Variants in PRPF6 observed in about 807,000 individuals in gnomAD.
PRPF6 encodes pre-mRNA-processing factor 6.
In PRPF6, 42 loss-of-function variants were observed where a neutral mutation model predicts 118.3. The observed-to-expected ratio is 0.35, with a 90% CI of 0.28 to 0.46. The LOEUF is 0.46. PRPF6 is among the 20% of genes least tolerant of loss of function. The probability of loss-of-function intolerance (pLI) is 1.00; values close to 1 mark genes in which losing one functional copy is unlikely to be tolerated. For missense variants in PRPF6, 662 were observed against 1,255.7 expected (o/e 0.53, Z 7.15); for synonymous variants, 481 against 485.1 (o/e 0.99, Z 0.11).
intron 10 of PRPF6, among the ~76,000 whole-genome samples, chr20:64,010,853 A>G: frequency 6.6e-6 from 1 of 152,126 alleles, no homozygotes; most frequent in South Asian, 2.1e-4. Flanking sequence ...ATCTTATTTT[A>G]TTTACATAAA....
chr20:63,983,340 C>T, intron 2 of PRPF6, 125 bp downstream of exon 2: 1 of 1,205,390 alleles, frequency 8.3e-7, no homozygotes, highest in Non-Finnish European at 1.2e-6. Context: ...TTTAGCTATT[C>T]ATGGAACATC....
At position 64,033,086 on chromosome 20, in the gene PRPF6, T is replaced by C; in HGVS notation, c.*93T>C. Reference sequence around the variant, plus strand: ...TGTCCTCCTTCATTAAAAGTTTTTATGTCTCGTGTCAGAACAGGCAGCCTG... The same window carrying C: ...TGTCCTCCTTCATTAAAAGTTTTTACGTCTCGTGTCAGAACAGGCAGCCTG... On this transcript the variant is annotated 3_prime_UTR_variant, in exon 21 of 21. Transcript: ENST00000266079. The C allele has an allele frequency of 1.3e-6, 2 of 1,565,620 alleles. No homozygotes were observed. The highest frequency in any genetic ancestry group is 2.3e-5 in the East Asian group (1 of 44,232).
intron 6 of PRPF6, among the ~76,000 whole-genome samples, chr20:63,998,386 C>G (rs1018765609): frequency 6.6e-6 from 1 of 151,638 alleles, no homozygotes; most frequent in Non-Finnish European, 1.5e-5. Context: ...AGCCACCACG[C>G]CTGGTCAAAA....
chr20:64,022,225 C>T (rs562784531), intron 12 of PRPF6, among the ~76,000 whole-genome samples: 2 of 152,360 alleles, frequency 1.3e-5, no homozygotes, highest in South Asian at 2.1e-4. Context: ...AGCTGTTTTT[C>T]AAAGTGCTTG....
At chr20:63,985,195 C>T (rs575113714) in intron 3 of PRPF6, among the ~76,000 whole-genome samples, 170 bp downstream of exon 3, 1 of 152,122 alleles carries the variant, frequency 6.6e-6, no homozygotes, top group South Asian at 2.1e-4. Context: ...GAGACTTAAT[C>T]TCTACAAATA....
intron 9 of PRPF6, among the ~76,000 whole-genome samples, chr20:64,008,483 G>C (rs1474541838): frequency 2.0e-5 from 3 of 152,068 alleles, no homozygotes; most frequent in Admixed American, 6.6e-5. Flanking sequence ...AGGAGCTGCA[G>C]AGGCTGTCAC....
At chr20:64,022,919 C>A (rs185793669) in intron 13 of PRPF6, 41 bp downstream of exon 13, 2 of 1,613,474 alleles carry the variant, frequency 1.2e-6, no homozygotes, top group Non-Finnish European at 1.7e-6. Context: ...GCTAATGAAA[C>A]CTCCAGCTCC....
intron 19 of PRPF6, among the ~76,000 whole-genome samples, chr20:64,030,494 G>T (rs1340940243): frequency 6.6e-6 from 1 of 152,130 alleles, no homozygotes; most frequent in Non-Finnish European, 1.5e-5. Flanking sequence ...GCCCCCACAG[G>T]CTTGCCTGTA....
chr20:64,015,491 G>A (rs1470994525), intron 11 of PRPF6, among the ~76,000 whole-genome samples: 2 of 152,352 alleles, frequency 1.3e-5, no homozygotes, highest in South Asian at 2.1e-4. Flanking sequence ...CTTTGCTCAC[G>A]GTCCATGTCG....
intron 3 of PRPF6, among the ~76,000 whole-genome samples, chr20:63,989,764 C>T (rs774740167): frequency 7.9e-5 from 12 of 152,032 alleles, no homozygotes; most frequent in African/African-American, 1.2e-4. Context: ...CCATCCACCT[C>T]GGCCTCCCAA....
In PRPF6 at chr20:64,028,265, G is replaced by C. The variant is rs2059300532; in HGVS notation, c.2340-213G>C. Among the ~76,000 whole-genome samples, 1 of 152,240 alleles carries C rather than the reference G, an allele frequency of 6.6e-6. No homozygotes were observed. Among genetic ancestry groups the C allele is most frequent in the African/African-American group, 2.4e-5 (1 of 41,472 alleles). ...CTGCATCTGGACAGCGTCAGGATCT[G>C]AGGTCTTGCCTTGGGGCGGTTGCCA... is the stretch of plus-strand genomic sequence containing the variant. On this transcript the variant is annotated intron_variant, in intron 17 of 20. Transcript: ENST00000266079. This position sits in a 1 kb window ranked among gnomAD's most constrained non-coding sequence, Gnocchi z 6.5.
intron 9 of PRPF6, among the ~76,000 whole-genome samples, chr20:64,006,497 A>G (rs2059190307): frequency 6.6e-6 from 1 of 151,662 alleles, no homozygotes; most frequent in Non-Finnish European, 1.5e-5. Context: ...TTGTATTTTT[A>G]ATAGAGATGG....
Position 64,028,511 on chromosome 20 carries a change from G to A in PRPF6, c.2373G>A (p.Gly791=). ...CCGTGCGGCTGGAGTACCGTGCGGG[G>A]CTGAAGAACATCGCAAATACACTCA... ...LESVRLEYRA[G]LKNIANTLMA... is the part of the protein sequence containing the mutation. Residue 791 remains glycine (G), a synonymous_variant, in exon 18 of 21, where the codon GGG becomes GGA. Transcript: ENST00000266079. This position sits in a 1 kb window ranked among gnomAD's most constrained non-coding sequence, Gnocchi z 6.5. The A allele has an allele frequency of 6.2e-7, 1 of 1,613,908 alleles. No homozygotes were observed. The highest frequency in any genetic ancestry group is 8.5e-7 in the Non-Finnish European group (1 of 1,180,024).
rs147429743 is a variant in PRPF6, at chr20:64,025,612, CCCATTCAGGGGCTTTGA to C, written c.1909-326_1909-310del. ...GTCTACCAGTATAGGATGCGAGTGC[CCCATTCAGGGGCTTTGA>C]GAGGGCGTGGGTGGATCCTGGGTAA... On this transcript the variant is annotated intron_variant, in intron 14 of 20. Coordinates refer to ENST00000266079, the MANE Select transcript of PRPF6 (RefSeq NM_012469.4). Among the ~76,000 whole-genome samples the C allele has an allele frequency of 4.5e-3, 682 of 152,292 alleles. 6 individuals carry two copies. The highest frequency in any genetic ancestry group is 0.016 in the African/African-American group (655 of 41,560).
intron 7 of PRPF6, 102 bp downstream of exon 7, chr20:63,999,241 G>A: frequency 1.0e-6 from 1 of 983,744 alleles, no homozygotes; most frequent in Non-Finnish European, 1.6e-6. Context: ...GGACATGGCG[G>A]TTCTAAGAAA....
At chr20:63,999,010 T>C (rs371062852) in intron 6 of PRPF6, 35 bp from the exon 7 acceptor site, 14 of 1,550,600 alleles carry the variant, frequency 9.0e-6, no homozygotes, top group Non-Finnish European at 1.2e-5. Context: ...CACCTGGTCA[T>C]GTCCAGCTGA....
At chr20:64,024,458 G>GT in intron 13 of PRPF6, 97 bp from the exon 14 acceptor site, 2 of 1,500,386 alleles carry the variant, frequency 1.3e-6, no homozygotes, top group Admixed American at 3.4e-5. Context: ...CTTTGGAGCA[G>GT]TAACTGTCTT....
chr20:63,999,120 A>G lies in PRPF6; in HGVS notation c.847A>G (p.Thr283Ala). ...YLTDLNSMIP[T>A]HGGDINDIKK... ...GACGGATTTAAATTCCATGATCCCGACACACGGAGGAGACATCAAGTGAGT... is the reference window on the plus strand; with the variant it reads ...GACGGATTTAAATTCCATGATCCCGGCACACGGAGGAGACATCAAGTGAGT... The change falls in exon 7 of 21, where the codon ACA (threonine) becomes GCA (alanine). Residue 283 changes from threonine to alanine, a missense_variant. Transcript: ENST00000266079. The G allele has an allele frequency of 6.2e-7, 1 of 1,613,962 alleles. No individual in the cohort carries two copies. The highest frequency in any genetic ancestry group is 8.5e-7 in the Non-Finnish European group (1 of 1,179,924).
chr20:64,027,230 T>A lies in PRPF6; in HGVS notation c.2205+72T>A. 1 of 1,563,618 alleles carries A rather than the reference T, an allele frequency of 6.4e-7. No homozygotes were observed. Among genetic ancestry groups the A allele is most frequent in the Non-Finnish European group, 8.7e-7 (1 of 1,145,354 alleles). On this transcript the variant is annotated intron_variant, in intron 16 of 20. Coordinates refer to ENST00000266079, the MANE Select transcript of PRPF6 (RefSeq NM_012469.4). The surrounding 1 kb of genome is among the most constrained non-coding windows in gnomAD (Gnocchi z 6.5). ...CAAAACTGAGCCCCCTGGTGCAGGG[T>A]CATTGCCCTTCGCCTCTGAGGAGAT...
Sources: allele counts gnomAD v4.1 joint callset (sites outside exome capture counted in the v4.1 genomes callset), GRCh38; gene constraint gnomAD v4.1.1; non-coding constraint Gnocchi (gnomAD v3.1); transcripts MANE v1.5; gene names NCBI Gene and HGNC (gene_info 2026-07-23, HGNC 2026-07-21).